The following FLT3 variants were observed in gnomAD, a reference collection of about 807,000 sequenced individuals.
FLT3 encodes fms related receptor tyrosine kinase 3, also known as receptor-type tyrosine-protein kinase FLT3.
In FLT3, 46 loss-of-function variants were observed where a neutral mutation model predicts 126.6. The observed-to-expected ratio is 0.36, with a 90% confidence interval of 0.29 to 0.46. The LOEUF (loss-of-function observed/expected upper bound fraction) is 0.46, where lower values mean the gene tolerates loss of function less well. FLT3 is among the 20% of genes least tolerant of loss of function. The pLI, the probability that FLT3 is intolerant of heterozygous loss-of-function variation, is 1.00. For missense variants in FLT3, 1,069 were observed against 1,190.3 expected (o/e 0.90, Z 1.50); for synonymous variants, 404 against 434.4 (o/e 0.93, Z 0.87).
intron 2 of FLT3, among the ~76,000 whole-genome samples, chr13:28,070,047 C>T (rs371860851): frequency 2.7e-4 from 41 of 152,226 alleles, no homozygotes; most frequent in African/African-American, 9.9e-4. Context: ...CCCGGGAGGG[C>T]GAGGCTGCAG....
At chr13:28,075,343 T>C (rs1877856047) in intron 1 of FLT3, among the ~76,000 whole-genome samples, 1 of 152,150 alleles carries the variant, frequency 6.6e-6, no homozygotes, top group South Asian at 2.1e-4. Context: ...TCAAATACTC[T>C]GAGTTGGTCA....
At chr13:28,085,880 A>G (rs1234462119) in intron 1 of FLT3, among the ~76,000 whole-genome samples, 2 of 152,178 alleles carry the variant, frequency 1.3e-5, no homozygotes, top group Non-Finnish European at 2.9e-5. Flanking sequence ...CGGGAGGCCA[A>G]TGTGGGCAGA....
intron 9 of FLT3, among the ~76,000 whole-genome samples, chr13:28,046,668 C>T (rs1009594862): frequency 2.6e-5 from 4 of 152,032 alleles, no homozygotes; most frequent in African/African-American, 9.7e-5. Context: ...GTGATCATGG[C>T]TACTGCAGCC....
chr13:28,011,001 TA>T (rs1160636438), intron 23 of FLT3, among the ~76,000 whole-genome samples: 1 of 148,184 alleles, frequency 6.7e-6, no homozygotes, highest in Non-Finnish European at 1.5e-5. Flanking sequence ...AGACTCTGTC[TA>T]AAAAAAATAA....
intron 4 of FLT3, among the ~76,000 whole-genome samples, chr13:28,054,031 C>G (rs188172937): frequency 9.9e-4 from 150 of 152,170 alleles, no homozygotes; most frequent in Non-Finnish European, 1.9e-3. Flanking sequence ...TTTGTATGAT[C>G]AACCATGTGC....
intron 5 of FLT3, among the ~76,000 whole-genome samples, chr13:28,051,020 A>C (rs1875404384): frequency 6.6e-6 from 1 of 152,198 alleles, no homozygotes. Flanking sequence ...TCAGAATAGC[A>C]ATCCTATAAG....
intron 15 of FLT3, among the ~76,000 whole-genome samples, chr13:28,031,379 C>T (rs990431476): frequency 6.6e-6 from 1 of 151,990 alleles, no homozygotes; most frequent in African/African-American, 2.4e-5. Flanking sequence ...CCAGGTGACT[C>T]ATGGTGGAAG....
At chr13:28,057,532 C>T in intron 3 of FLT3, 70 bp from the exon 4 acceptor site, 2 of 795,284 alleles carry the variant, frequency 2.5e-6, no homozygotes, top group South Asian at 2.8e-5. Flanking sequence ...TTCATAGTGA[C>T]TAAAAAGGCA....
chr13:28,053,462 A>T (rs1593266249), intron 4 of FLT3, among the ~76,000 whole-genome samples: 1 of 149,648 alleles, frequency 6.7e-6, no homozygotes, highest in African/African-American at 2.5e-5. Flanking sequence ...AACAACAAAT[A>T]CCCACGGAGC....
Position 28,014,576 on chromosome 13 carries a change from A to C in FLT3, c.2754-19T>G, listed in dbSNP as rs754904480. ...AATGTATCTGTAAAAGCAATAGAAC[A>C]AGGAACAAGATGAAGAAGTCTGAAT... On this transcript the variant is annotated intron_variant, in intron 22 of 23. Transcript: ENST00000241453. 1 of 1,549,714 alleles carries C rather than the reference A, an allele frequency of 6.5e-7. No homozygotes were observed. Among genetic ancestry groups the C allele is most frequent in the Non-Finnish European group, 8.9e-7 (1 of 1,122,158 alleles).
intron 9 of FLT3, among the ~76,000 whole-genome samples, chr13:28,045,340 A>G (rs1039582969): frequency 6.6e-6 from 1 of 152,226 alleles, no homozygotes; most frequent in Non-Finnish European, 1.5e-5. Context: ...CACACCCATC[A>G]AGAGGATATT....
chr13:28,026,697 C>T (rs1267735403), intron 17 of FLT3, among the ~76,000 whole-genome samples: 3 of 152,306 alleles, frequency 2.0e-5, no homozygotes, highest in Non-Finnish European at 2.9e-5. Context: ...CGTTCTTTTG[C>T]GCAATAGTCC....
At position 28,027,952 on chromosome 13, in the gene FLT3, T is replaced by C. The variant is rs549534707; in HGVS notation, c.2053+226A>G. 2.6e-5 allele frequency among the ~76,000 whole-genome samples: 4 copies of C among 152,324 alleles called. No individual in the cohort carries two copies. The South Asian group carries it at 8.3e-4, about 32-fold the overall frequency. On this transcript the variant is annotated intron_variant, in intron 16 of 23. Coordinates refer to ENST00000241453, the MANE Select transcript of FLT3 (RefSeq NM_004119.3). ...GTTGTTGTTTTTAAGCAGGTGAGAA[T>C]TATGCAATATATCACGATAAAGCAG... is the stretch of plus-strand genomic sequence containing the variant.
intron 23 of FLT3, among the ~76,000 whole-genome samples, chr13:28,008,347 A>G (rs1436148171): frequency 6.6e-6 from 1 of 151,780 alleles, no homozygotes; most frequent in East Asian, 1.9e-4. Flanking sequence ...TTTCTAATAA[A>G]TGAATTTAGA....
intron 1 of FLT3, among the ~76,000 whole-genome samples, chr13:28,071,912 G>C (rs974900327): frequency 6.6e-6 from 1 of 152,044 alleles, no homozygotes; most frequent in South Asian, 2.1e-4. Flanking sequence ...CTGGACTCAA[G>C]TGATCCCCCT....
At chr13:28,077,000 A>AG (rs1280881454) in intron 1 of FLT3, among the ~76,000 whole-genome samples, 26 of 145,314 alleles carry the variant, frequency 1.8e-4, no homozygotes, top group African/African-American at 6.6e-4. Context: ...AGAGACAGAC[A>AG]GAAAGGAAGG....
chr13:28,062,123 C>G, intron 2 of FLT3, 54 bp from the exon 3 acceptor site: 1 of 1,346,378 alleles, frequency 7.4e-7, no homozygotes, highest in Non-Finnish European at 1.1e-6. Flanking sequence ...TCTAAGGCCT[C>G]CCCTTCTTCA....
chr13:28,056,980 G>C (rs1396669506), intron 4 of FLT3, among the ~76,000 whole-genome samples: 2 of 152,198 alleles, frequency 1.3e-5, no homozygotes, highest in African/African-American at 4.8e-5. Context: ...TCGGGGCTCA[G>C]AGAAATTGTG....
chr13:28,037,116 C>T (rs574838402), intron 10 of FLT3, 69 bp downstream of exon 10: 2 of 919,522 alleles, frequency 2.2e-6, no homozygotes, highest in South Asian at 2.8e-5. Flanking sequence ...CTTAACTTTT[C>T]CTAGTTAAGA....
Sources: allele counts gnomAD v4.1 joint callset (sites outside exome capture counted in the v4.1 genomes callset), GRCh38; gene constraint gnomAD v4.1.1; transcripts MANE v1.5; gene names NCBI Gene and HGNC (gene_info 2026-07-23, HGNC 2026-07-21).